The following GLIS3 variants were observed in gnomAD, a reference collection of about 807,000 sequenced individuals.
GLIS3 encodes zinc finger protein GLIS3.
GLIS3 carries 53 observed loss-of-function variants against 78.6 expected under a neutral mutation model. That is an observed-to-expected ratio of 0.67 (90% CI 0.54 to 0.85). The LOEUF is 0.85. Ranked by LOEUF, GLIS3 falls within the 40% of genes least tolerant of loss-of-function variation. The pLI is 0.00. For synonymous variants in GLIS3, 684 were observed against 509.9 expected (o/e 1.34, Z -4.60); for missense variants, 1,703 against 1,231.1 (o/e 1.38, Z -5.74).
At chr9:3,999,275 T>C (rs962771090) in intron 4 of GLIS3, among the ~76,000 whole-genome samples, 1 of 152,156 alleles carries the variant, frequency 6.6e-6, no homozygotes, top group African/African-American at 2.4e-5. Flanking sequence ...TGTAGAGGTG[T>C]TTCATCAAGG....
chr9:4,195,857 A>C (rs1458114909), intron 2 of GLIS3, among the ~76,000 whole-genome samples: 1 of 152,222 alleles, frequency 6.6e-6, no homozygotes, highest in African/African-American at 2.4e-5. Context: ...GTGTCTAGCT[A>C]ATCTAGTGAG....
chr9:4,376,221 A>G, the GLIS3 span, among the ~76,000 whole-genome samples: 1 of 152,156 alleles, frequency 6.6e-6, no homozygotes, highest in East Asian at 1.9e-4. Context: ...GGTTCCTTTC[A>G]GGGGAAGATG....
the GLIS3 span, among the ~76,000 whole-genome samples, chr9:4,376,148 C>T: frequency 2.6e-5 from 4 of 152,176 alleles, no homozygotes; most frequent in African/African-American, 4.8e-5. Flanking sequence ...GTTTGGTGTG[C>T]GCTCCTTCAA....
At chr9:4,430,421 G>A in the GLIS3 span, among the ~76,000 whole-genome samples, 4 of 152,226 alleles carry the variant, frequency 2.6e-5, no homozygotes, top group African/African-American at 7.2e-5. Flanking sequence ...ACAAATAGGA[G>A]ATCAGCAGAG....
At chr9:4,297,308 C>T (rs1816623443) in intron 1 of GLIS3, among the ~76,000 whole-genome samples, 2 of 152,170 alleles carry the variant, frequency 1.3e-5, no homozygotes, top group South Asian at 4.1e-4. Flanking sequence ...TTAACCGGGA[C>T]CTGAGAACTT....
chr9:4,213,237 C>T (rs923338380), intron 2 of GLIS3, among the ~76,000 whole-genome samples: 1 of 152,112 alleles, frequency 6.6e-6, no homozygotes, highest in Non-Finnish European at 1.5e-5. Flanking sequence ...CTTAGCCTGT[C>T]GAAACCCTAT....
chr9:4,425,468 C>T, the GLIS3 span, among the ~76,000 whole-genome samples: 1 of 152,148 alleles, frequency 6.6e-6, no homozygotes, highest in Admixed American at 6.5e-5. Context: ...AATGGCAGGG[C>T]CTGCCAGGCA....
intron 1 of GLIS3, among the ~76,000 whole-genome samples, chr9:4,297,964 A>G (rs1816714010): frequency 7.3e-6 from 1 of 137,146 alleles, no homozygotes; most frequent in South Asian, 2.3e-4. Context: ...GGCGGAGGCG[A>G]CAGCGCCCGG....
At chr9:4,405,689 T>A in the GLIS3 span, among the ~76,000 whole-genome samples, 57 of 151,694 alleles carry the variant, frequency 3.8e-4, no homozygotes, top group Non-Finnish European at 6.9e-4. Flanking sequence ...TTCTGAAAAA[T>A]AGAGGAGAAA....
At chr9:4,333,951 G>T (rs1055229580) in intron 2 of GLIS3, among the ~76,000 whole-genome samples, 3 of 152,162 alleles carry the variant, frequency 2.0e-5, no homozygotes, top group African/African-American at 7.2e-5. Context: ...GTGCCACCTT[G>T]TCTGCTCTGA....
At chr9:4,210,208 G>A (rs1045241892) in intron 2 of GLIS3, among the ~76,000 whole-genome samples, 1 of 152,180 alleles carries the variant, frequency 6.6e-6, no homozygotes, top group Non-Finnish European at 1.5e-5. Context: ...ACCTTCTTGA[G>A]AAAACATCAG....
intron 2 of GLIS3, among the ~76,000 whole-genome samples, chr9:4,149,816 G>A (rs1161399602): frequency 6.6e-6 from 1 of 152,184 alleles, no homozygotes; most frequent in Non-Finnish European, 1.5e-5. Context: ...GTAAAATAAG[G>A]TAGGATAAAA....
rs546161163 is a variant in GLIS3 at position 3,927,505 on chromosome 9, A to C, written c.1983+4855T>G. On this transcript the variant is annotated intron_variant, in intron 6 of 10. Coordinates refer to ENST00000381971, the MANE Select transcript of GLIS3 (RefSeq NM_001042413.2). ...GAAATATCTAATAACATTCTGTGGA[A>C]CGTATTCTAAAGCGCACACCTCGGG... Among the ~76,000 whole-genome samples the C allele has an allele frequency of 5.9e-5, 9 of 152,334 alleles. No homozygotes were observed. In the East Asian group the frequency reaches 1.7e-3, roughly 29 times the overall value.
intron 9 of GLIS3, among the ~76,000 whole-genome samples, chr9:3,848,418 C>G (rs1819199177): frequency 6.6e-6 from 1 of 152,236 alleles, no homozygotes; most frequent in Non-Finnish European, 1.5e-5. Flanking sequence ...AGGAGAATCG[C>G]TTGAATCCAG....
At chr9:3,969,661 C>G (rs536594637) in intron 4 of GLIS3, among the ~76,000 whole-genome samples, 107 of 152,294 alleles carry the variant, frequency 7.0e-4, no homozygotes, top group African/African-American at 2.5e-3. Context: ...ATCTTCTTTT[C>G]CCAACCAAAT....
intron 4 of GLIS3, among the ~76,000 whole-genome samples, chr9:4,009,002 G>T (rs1325626013): frequency 6.6e-6 from 1 of 152,102 alleles, no homozygotes; most frequent in Non-Finnish European, 1.5e-5. Flanking sequence ...TGAGAGAGAT[G>T]CATTCCTGAA....
At chr9:4,057,762 C>T (rs1826267633) in intron 4 of GLIS3, among the ~76,000 whole-genome samples, 1 of 152,068 alleles carries the variant, frequency 6.6e-6, no homozygotes, top group East Asian at 1.9e-4. Context: ...GAACCTTTGA[C>T]ACTTCTTGGC....
intron 4 of GLIS3, among the ~76,000 whole-genome samples, chr9:3,946,171 G>T (rs79178776): frequency 0.016 from 2,472 of 152,242 alleles, 75 homozygotes; most frequent in African/African-American, 0.051. Flanking sequence ...CTACTGCCTT[G>T]CTAACACTTG....
At chr9:4,421,397 G>C in the GLIS3 span, among the ~76,000 whole-genome samples, 1 of 152,200 alleles carries the variant, frequency 6.6e-6, no homozygotes, top group African/African-American at 2.4e-5. Context: ...CTATGAAAAA[G>C]GAAACCAAAG....
Sources: gnomAD v4.1 joint callset for allele counts (sites outside exome capture counted in the v4.1 genomes callset) on GRCh38, gnomAD v4.1.1 for gene constraint, MANE v1.5 for transcripts, NCBI Gene and HGNC (gene_info 2026-07-23, HGNC 2026-07-21) for gene names.